The following CTNNA2 variants were observed in gnomAD, a reference collection of about 807,000 sequenced individuals.
CTNNA2 encodes the protein catenin alpha-2.
CTNNA2 carries 42 observed loss-of-function variants against 101.0 expected under a neutral mutation model. The observed-to-expected ratio is 0.42, with a 90% confidence interval of 0.32 to 0.54. The LOEUF (loss-of-function observed/expected upper bound fraction) is 0.54, where lower values mean the gene tolerates loss of function less well. Among genes scored for constraint, CTNNA2 ranks in the 20% least tolerant of loss-of-function variants. The pLI, the probability that CTNNA2 is intolerant of heterozygous loss-of-function variation, is 0.14. For synonymous variants in CTNNA2, 450 were observed against 456.4 expected, an observed-to-expected ratio of 0.99 and a Z score of 0.18; for missense variants, 871 against 1,223.1, an observed-to-expected ratio of 0.71 and a Z score of 4.29.
At chr2:79,225,299 A>G (rs1036297049) in intron 2 of CTNNA2, among the ~76,000 whole-genome samples, 3 of 152,152 alleles carry the variant, frequency 2.0e-5, no homozygotes, top group Non-Finnish European at 4.4e-5. Flanking sequence ...AACCTTTAGT[A>G]TTATCAGTCA....
intron 4 of CTNNA2, among the ~76,000 whole-genome samples, chr2:79,480,387 T>C (rs1280963559): frequency 6.6e-6 from 1 of 152,224 alleles, no homozygotes; most frequent in Non-Finnish European, 1.5e-5. Flanking sequence ...ACTGTATGCA[T>C]GTAGAGAATT....
chr2:79,537,135 C>T (rs1673123286), intron 1 of CTNNA2, among the ~76,000 whole-genome samples: 1 of 152,136 alleles, frequency 6.6e-6, no homozygotes, highest in South Asian at 2.1e-4. Flanking sequence ...AACCACCCCC[C>T]ATTGAAGGAC....
chr2:79,562,640 T>A (rs1330553926), intron 1 of CTNNA2, among the ~76,000 whole-genome samples: 1 of 152,092 alleles, frequency 6.6e-6, no homozygotes, highest in Non-Finnish European at 1.5e-5. Context: ...TGCTGCTAAT[T>A]ATACTCTAAA....
At chr2:79,308,782 GTT>G (rs10691338) in intron 2 of CTNNA2, among the ~76,000 whole-genome samples, 15,551 of 136,298 alleles carry the variant, frequency 0.11, 979 homozygotes, top group Middle Eastern at 0.22. Flanking sequence ...TCATTTTATG[GTT>G]TTTTTTTTTT....
At chr2:80,191,766 A>G (rs1706520088) in intron 7 of CTNNA2, among the ~76,000 whole-genome samples, 1 of 152,204 alleles carries the variant, frequency 6.6e-6, no homozygotes, top group Non-Finnish European at 1.5e-5. Context: ...TCAACACTGC[A>G]GTGTAAATGA....
intron 3 of CTNNA2, among the ~76,000 whole-genome samples, chr2:79,345,145 A>T (rs1677233623): frequency 6.6e-6 from 1 of 151,680 alleles, no homozygotes; most frequent in Non-Finnish European, 1.5e-5. Flanking sequence ...CAACAAATAA[A>T]ACATTATAGT....
chr2:80,373,151 A>G (rs755003443), intron 7 of CTNNA2, among the ~76,000 whole-genome samples: 2 of 140,184 alleles, frequency 1.4e-5, no homozygotes, highest in African/African-American at 2.5e-5. Flanking sequence ...TGATCATTCT[A>G]TGAGTCTCAG....
chr2:80,441,249 C>T (rs1682546122), intron 9 of CTNNA2, among the ~76,000 whole-genome samples: 1 of 152,054 alleles, frequency 6.6e-6, no homozygotes, highest in African/African-American at 2.4e-5. Flanking sequence ...TACCCTGAGA[C>T]TTCAAAAAAA....
At chr2:79,616,729 A>G (rs904058492) in intron 1 of CTNNA2, among the ~76,000 whole-genome samples, 2 of 152,014 alleles carry the variant, frequency 1.3e-5, no homozygotes, top group African/African-American at 4.8e-5. Context: ...TTATGTTTAT[A>G]TGTTTCTGAA....
At chr2:79,622,357 C>T (rs760392773) in intron 1 of CTNNA2, among the ~76,000 whole-genome samples, 10 of 152,040 alleles carry the variant, frequency 6.6e-5, no homozygotes, top group South Asian at 2.1e-4. Flanking sequence ...AAGCTGGATG[C>T]GTTAAACTCT....
intron 1 of CTNNA2, among the ~76,000 whole-genome samples, chr2:79,518,983 C>G (rs1299793253): frequency 6.6e-6 from 1 of 151,984 alleles, no homozygotes; most frequent in African/African-American, 2.4e-5. Context: ...AATCCCAGCA[C>G]TTTGGGAGGC....
intron 3 of CTNNA2, among the ~76,000 whole-genome samples, chr2:79,836,366 C>A (rs1225211955): frequency 6.6e-6 from 1 of 152,132 alleles, no homozygotes; most frequent in African/African-American, 2.4e-5. Flanking sequence ...ATCTCAGTGG[C>A]TGAATTATTT....
intron 2 of CTNNA2, among the ~76,000 whole-genome samples, chr2:79,255,717 C>G (rs543458170): frequency 6.6e-6 from 1 of 152,310 alleles, no homozygotes; most frequent in Admixed American, 6.5e-5. Context: ...AGTAGCCTAA[C>G]TCTTGTAATA....
chr2:79,477,243 T>C (rs1213033809), intron 4 of CTNNA2, among the ~76,000 whole-genome samples: 1 of 150,674 alleles, frequency 6.6e-6, no homozygotes, highest in African/African-American at 2.4e-5. Flanking sequence ...CAATCTCAGC[T>C]CACTGCAACT....
intron 2 of CTNNA2, among the ~76,000 whole-genome samples, chr2:79,310,852 T>C (rs1179874951): frequency 6.6e-6 from 1 of 152,234 alleles, no homozygotes; most frequent in African/African-American, 2.4e-5. Context: ...AGTAACTGAA[T>C]AACATAATTG....
intron 1 of CTNNA2, among the ~76,000 whole-genome samples, chr2:79,636,038 G>C (rs1680018852): frequency 6.7e-6 from 1 of 149,392 alleles, no homozygotes; most frequent in Non-Finnish European, 1.5e-5. Context: ...GAGGCAGGCG[G>C]ATCACGAGGT....
chr2:80,598,139 A>G (rs942976108), intron 15 of CTNNA2, among the ~76,000 whole-genome samples: 2 of 152,210 alleles, frequency 1.3e-5, no homozygotes, highest in Admixed American at 1.3e-4. Context: ...AAGAAGAATG[A>G]GATCATATTA....
chr2:80,305,118 A>G (rs1395433879), intron 7 of CTNNA2: 2 of 985,356 alleles, frequency 2.0e-6, no homozygotes, highest in Non-Finnish European at 2.4e-6. Context: ...CCTTTGCTTT[A>G]GAAAAGCAAC....
intron 7 of CTNNA2, among the ~76,000 whole-genome samples, chr2:80,207,552 C>T (rs1030393898): frequency 1.3e-5 from 2 of 152,032 alleles, no homozygotes; most frequent in Non-Finnish European, 2.9e-5. Context: ...AGTGTGGAGA[C>T]AGATGAGGAA....
Sources: allele counts gnomAD v4.1 joint callset (sites outside exome capture counted in the v4.1 genomes callset), GRCh38; gene constraint gnomAD v4.1.1; transcripts MANE v1.5; gene names NCBI Gene and HGNC (gene_info 2026-07-23, HGNC 2026-07-21).